Variants in FSTL4 observed in about 807,000 individuals in gnomAD.
The protein encoded by FSTL4 is follistatin-related protein 4.
FSTL4 carries 28 observed loss-of-function variants against 78.2 expected under a neutral mutation model. That is an observed-to-expected ratio of 0.36 (90% CI 0.27 to 0.49). The LOEUF is 0.49. FSTL4 is among the 20% of genes least tolerant of loss of function. The pLI is 0.98. For missense variants in FSTL4, 922 were observed against 1,084.9 expected, an observed-to-expected ratio of 0.85 and a Z score of 2.11; for synonymous variants, 422 against 440.5, an observed-to-expected ratio of 0.96 and a Z score of 0.53.
At chr5:133,424,201 G>A (rs1756758622) in intron 3 of FSTL4, among the ~76,000 whole-genome samples, 2 of 152,334 alleles carry the variant, frequency 1.3e-5, no homozygotes, top group Middle Eastern at 3.4e-3. Flanking sequence ...CTTTCTAGCC[G>A]TTCAAAGTCA....
the FSTL4 span, among the ~76,000 whole-genome samples, chr5:133,617,649 C>T: frequency 6.6e-6 from 1 of 152,164 alleles, no homozygotes; most frequent in African/African-American, 2.4e-5. Context: ...TGAGCTTTCC[C>T]CTTCCCTGCA....
the FSTL4 span, among the ~76,000 whole-genome samples, chr5:133,657,836 A>AT: frequency 1.4e-5 from 2 of 147,224 alleles, no homozygotes; most frequent in African/African-American, 5.0e-5. Flanking sequence ...TATAGACTAC[A>AT]TTTTCTCCTA....
At chr5:133,724,595 T>C in the FSTL4 span, among the ~76,000 whole-genome samples, 1 of 152,204 alleles carries the variant, frequency 6.6e-6, no homozygotes, top group East Asian at 1.9e-4. Context: ...AGTTATTGAG[T>C]TCTGAATATT....
intron 3 of FSTL4, among the ~76,000 whole-genome samples, chr5:133,526,102 T>C (rs1759093149): frequency 6.6e-6 from 1 of 152,196 alleles, no homozygotes; most frequent in Non-Finnish European, 1.5e-5. Context: ...CTTTGATACC[T>C]AGCACTGTGA....
intron 3 of FSTL4, among the ~76,000 whole-genome samples, chr5:133,507,268 T>C (rs542186872): frequency 5.9e-5 from 9 of 152,324 alleles, no homozygotes; most frequent in Admixed American, 5.9e-4. Flanking sequence ...TTAGTTTAAT[T>C]TTTTAAATAA....
At chr5:133,386,982 C>T (rs963258546) in intron 4 of FSTL4, among the ~76,000 whole-genome samples, 2 of 152,232 alleles carry the variant, frequency 1.3e-5, no homozygotes, top group Non-Finnish European at 2.9e-5. Flanking sequence ...GTAACTCTAA[C>T]TTCTCCTCAT....
At chr5:133,449,260 T>C (rs1372029063) in intron 3 of FSTL4, among the ~76,000 whole-genome samples, 1 of 152,168 alleles carries the variant, frequency 6.6e-6, no homozygotes, top group Non-Finnish European at 1.5e-5. Context: ...GGTGGATTCC[T>C]GGCACTGAGA....
intron 3 of FSTL4, among the ~76,000 whole-genome samples, chr5:133,515,281 CTT>C (rs1398384141): frequency 6.6e-6 from 1 of 151,854 alleles, no homozygotes; most frequent in Admixed American, 6.6e-5. Context: ...AATGCCAGCA[CTT>C]TGGGAGGCTG....
At chr5:133,725,542 C>T in the FSTL4 span, among the ~76,000 whole-genome samples, 7 of 152,276 alleles carry the variant, frequency 4.6e-5, no homozygotes, top group South Asian at 2.1e-4. Flanking sequence ...TTCAAAGTCC[C>T]GCCTCTATTT....
chr5:133,375,300 A>ATGTGTG (rs1554109202), intron 4 of FSTL4, among the ~76,000 whole-genome samples: 1 of 131,680 alleles, frequency 7.6e-6, no homozygotes, highest in Non-Finnish European at 1.7e-5. Context: ...GCATATATAT[A>ATGTGTG]TATATATATA....
At chr5:133,473,334 A>AGG (rs905675650) in intron 3 of FSTL4, among the ~76,000 whole-genome samples, 1 of 152,206 alleles carries the variant, frequency 6.6e-6, no homozygotes, top group Non-Finnish European at 1.5e-5. Context: ...TATCAGCGAC[A>AGG]GGGTAGAATG....
the FSTL4 span, among the ~76,000 whole-genome samples, chr5:133,807,210 C>G: frequency 6.6e-6 from 1 of 152,182 alleles, no homozygotes; most frequent in East Asian, 1.9e-4. Context: ...TCCCAGCCAG[C>G]CAGGGCTAAT....
chr5:133,814,249 G>A, the FSTL4 span, among the ~76,000 whole-genome samples: 1 of 152,212 alleles, frequency 6.6e-6, no homozygotes, highest in South Asian at 2.1e-4. Flanking sequence ...CTGGGGAGGA[G>A]AAAGGGAGGA....
At position 133,313,573 on chromosome 5, in the gene FSTL4, A is replaced by G. The variant is rs540621999; in HGVS notation, c.604-796T>C. On this transcript the variant is annotated intron_variant, in intron 5 of 15. Coordinates refer to ENST00000265342, the MANE Select transcript of FSTL4 (RefSeq NM_015082.2). ...GTGTGCTCGGAACTGAAGGTCTTGC[A>G]GGGAAAATGCTCAGAAGGAAATCTC... Among the ~76,000 whole-genome samples the G allele has an allele frequency of 3.9e-5, 6 of 152,252 alleles. No individual in the cohort carries two copies. The East Asian group carries it at 1.2e-3, about 29-fold the overall frequency.
the FSTL4 span, among the ~76,000 whole-genome samples, chr5:133,772,639 T>C: frequency 6.6e-6 from 1 of 151,964 alleles, no homozygotes; most frequent in African/African-American, 2.4e-5. Context: ...TGGAGGAAGG[T>C]AGAAAAGCAA....
chr5:133,315,191 A>C (rs1753875139), intron 5 of FSTL4, among the ~76,000 whole-genome samples: 1 of 151,916 alleles, frequency 6.6e-6, no homozygotes. Flanking sequence ...GCCAGGTACC[A>C]CTCTAAGCCA....
In FSTL4 at chr5:133,199,532, C is replaced by T; in HGVS notation, c.2092G>A (p.Gly698Arg). Residue 698 changes from glycine (G) to arginine (R), a missense_variant, in exon 16 of 16, where the codon GGG (glycine) becomes AGG (arginine). Gly to Arg is a moderately radical substitution (Grantham distance 125). Transcript: ENST00000265342. This position sits in a 1 kb window ranked among gnomAD's most constrained non-coding sequence, Gnocchi z 4.4. ...GCTGCAGCACTGACTATGAAGCGCC[C>T]GTCGGGGGATGTGTGTGGGGTGCCT... ...VTGTPHTSPD[G>R]RFIVSAAADS... The T allele has an allele frequency of 6.2e-7, 1 of 1,614,008 alleles. No homozygotes were observed. The highest frequency in any genetic ancestry group is 8.5e-7 in the Non-Finnish European group (1 of 1,179,858).
At chr5:133,774,795 T>C in the FSTL4 span, among the ~76,000 whole-genome samples, 81,815 of 152,000 alleles carry the variant, frequency 0.54, 22,667 homozygotes, top group Non-Finnish European at 0.61. Context: ...CACGGTAGTC[T>C]GTTACATTGA....
At chr5:133,679,308 C>T in the FSTL4 span, among the ~76,000 whole-genome samples, 1 of 152,140 alleles carries the variant, frequency 6.6e-6, no homozygotes, top group African/African-American at 2.4e-5. Context: ...ACAGTTTAGG[C>T]ACAGTGAGCC....
Sources: allele counts gnomAD v4.1 joint callset (sites outside exome capture counted in the v4.1 genomes callset), GRCh38; gene constraint gnomAD v4.1.1; non-coding constraint Gnocchi (gnomAD v3.1); transcripts MANE v1.5; gene names NCBI Gene and HGNC (gene_info 2026-07-23, HGNC 2026-07-21).